The following PCDH15 variants were observed in gnomAD, a reference collection of about 807,000 sequenced individuals.
PCDH15 encodes the protein protocadherin-15.
In PCDH15, 129 loss-of-function variants were observed where a neutral mutation model predicts 178.5. That is an observed-to-expected ratio of 0.72 (90% CI 0.63 to 0.84). PCDH15 has a LOEUF of 0.84. PCDH15 is among the 40% of genes least tolerant of loss of function. PCDH15 has a pLI of 0.00. For missense variants in PCDH15, 2,230 were observed against 2,099.9 expected (o/e 1.06, Z -1.21); for synonymous variants, 800 against 732.0 (o/e 1.09, Z -1.50).
chr10:55,576,141 C>T (rs2132114846), intron 2 of PCDH15, among the ~76,000 whole-genome samples: 1 of 152,236 alleles, frequency 6.6e-6, no homozygotes, highest in East Asian at 1.9e-4. Context: ...TTAACTGCTA[C>T]TAGCAGTTAA....
intron 25 of PCDH15, among the ~76,000 whole-genome samples, chr10:53,927,461 T>G (rs1299091880): frequency 1.3e-5 from 2 of 152,278 alleles, no homozygotes; most frequent in African/African-American, 4.8e-5. Flanking sequence ...AAAATTATAC[T>G]GTTATTAATT....
chr10:53,874,389 C>G (rs547493488), intron 26 of PCDH15, among the ~76,000 whole-genome samples: 1 of 152,258 alleles, frequency 6.6e-6, no homozygotes, highest in African/African-American at 2.4e-5. Flanking sequence ...GAAGAGAAAA[C>G]TTCTTTGAGA....
intron 26 of PCDH15, among the ~76,000 whole-genome samples, chr10:53,878,229 TA>T (rs2080393655): frequency 1.4e-5 from 2 of 141,310 alleles, no homozygotes; most frequent in Non-Finnish European, 3.1e-5. Flanking sequence ...TATATATATA[TA>T]TATATATATA....
At chr10:55,135,750 T>G (rs1208875753) in intron 2 of PCDH15, among the ~76,000 whole-genome samples, 1 of 151,506 alleles carries the variant, frequency 6.6e-6, no homozygotes, top group African/African-American at 2.4e-5. Flanking sequence ...GCCTGGCTAA[T>G]TTTTTGTATT....
At chr10:55,160,450 T>C (rs997211415) in intron 2 of PCDH15, among the ~76,000 whole-genome samples, 12 of 152,016 alleles carry the variant, frequency 7.9e-5, no homozygotes, top group African/African-American at 2.9e-4. Flanking sequence ...TAATGCTTTT[T>C]TTGGTCCCCA....
intron 27 of PCDH15, among the ~76,000 whole-genome samples, chr10:53,866,182 C>T (rs1305014578): frequency 1.3e-5 from 2 of 152,004 alleles, no homozygotes; most frequent in Non-Finnish European, 2.9e-5. Context: ...CAAAATTTGT[C>T]CCCAAACATT....
chr10:55,580,170 T>C (rs1257261265), intron 2 of PCDH15, among the ~76,000 whole-genome samples: 2 of 152,034 alleles, frequency 1.3e-5, no homozygotes, highest in African/African-American at 4.8e-5. Flanking sequence ...TATTGTTGTT[T>C]TATATGCACA....
chr10:53,810,520 G>T (rs759733965), intron 37 of PCDH15, 36 bp downstream of exon 37: 7 of 1,567,892 alleles, frequency 4.5e-6, no homozygotes, highest in East Asian at 4.5e-5. Flanking sequence ...ATTTTTCTTG[G>T]AATATTATCT....
chr10:55,373,103 C>A (rs1385766848), intron 2 of PCDH15, among the ~76,000 whole-genome samples: 2 of 152,028 alleles, frequency 1.3e-5, no homozygotes, highest in Non-Finnish European at 2.9e-5. Context: ...AACAAACCTA[C>A]CAGACAGGTT....
intron 22 of PCDH15, 128 bp from the exon 23 acceptor site, chr10:53,959,972 C>T: frequency 1.4e-6 from 1 of 736,676 alleles, no homozygotes; most frequent in African/African-American, 1.7e-5. Flanking sequence ...ATCATTTCCT[C>T]ACTGCCTACC....
At chr10:55,072,133 C>A (rs934785600) in intron 2 of PCDH15, among the ~76,000 whole-genome samples, 8 of 151,968 alleles carry the variant, frequency 5.3e-5, no homozygotes, top group South Asian at 2.1e-4. Context: ...TAAATGCCCA[C>A]AAGAGAAAGC....
intron 15 of PCDH15, among the ~76,000 whole-genome samples, chr10:54,124,199 AAAC>A (rs146774322): frequency 0.32 from 48,583 of 151,974 alleles, 8,792 homozygotes; most frequent in Non-Finnish European, 0.42. Context: ...AAAGAAAAAC[AAAC>A]AATACATTTT....
At chr10:55,598,556 A>AC (rs1842990369) in intron 2 of PCDH15, among the ~76,000 whole-genome samples, 2 of 100,166 alleles carry the variant, frequency 2.0e-5, no homozygotes, top group East Asian at 3.3e-4. Flanking sequence ...ATATATATAT[A>AC]TATATATATA....
chr10:55,312,619 G>A (rs947070995), intron 1 of PCDH15, among the ~76,000 whole-genome samples: 1 of 146,446 alleles, frequency 6.8e-6, no homozygotes. Flanking sequence ...CTAAGTAATA[G>A]AGTTTTTTTT....
intron 1 of PCDH15, among the ~76,000 whole-genome samples, chr10:54,678,633 A>C (rs1046291860): frequency 2.6e-5 from 4 of 152,180 alleles, no homozygotes; most frequent in African/African-American, 9.6e-5. Context: ...AATTTTTAAT[A>C]CATTGAATTA....
intron 3 of PCDH15, among the ~76,000 whole-genome samples, chr10:54,875,383 G>A (rs1274918348): frequency 6.6e-6 from 1 of 151,800 alleles, no homozygotes; most frequent in African/African-American, 2.4e-5. Flanking sequence ...ATTGAGACTG[G>A]GCCAGTTAAT....
chr10:55,244,117 C>CATTGAT (rs1841626381), intron 1 of PCDH15, among the ~76,000 whole-genome samples: 1 of 152,044 alleles, frequency 6.6e-6, no homozygotes, highest in African/African-American at 2.4e-5. Context: ...TTCTGAACCA[C>CATTGAT]ATTGATCTGG....
intron 1 of PCDH15, among the ~76,000 whole-genome samples, chr10:54,743,852 C>G (rs755908700): frequency 6.6e-6 from 1 of 151,908 alleles, no homozygotes; most frequent in Non-Finnish European, 1.5e-5. Context: ...ACCACTCTAA[C>G]ACAAGGAATT....
At chr10:55,077,931 A>G (rs1408166359) in intron 2 of PCDH15, among the ~76,000 whole-genome samples, 1 of 152,112 alleles carries the variant, frequency 6.6e-6, no homozygotes, top group African/African-American at 2.4e-5. Flanking sequence ...ATACTTTTGT[A>G]TATTCTCATG....
Sources: gnomAD v4.1 joint callset for allele counts (sites outside exome capture counted in the v4.1 genomes callset) on GRCh38, gnomAD v4.1.1 for gene constraint, MANE v1.5 for transcripts, NCBI Gene and HGNC (gene_info 2026-07-23, HGNC 2026-07-21) for gene names.